Variants in CCSER1 observed in about 807,000 individuals in gnomAD.
CCSER1 encodes the protein coiled-coil serine rich protein 1.
In CCSER1, 41 loss-of-function variants were observed where a neutral mutation model predicts 82.0. That is an observed-to-expected ratio of 0.50 (90% confidence interval 0.39 to 0.65). The LOEUF (loss-of-function observed/expected upper bound fraction) is 0.65. Ranked by LOEUF, CCSER1 falls within the 30% of genes least tolerant of loss-of-function variation. The pLI, the probability that CCSER1 is intolerant of heterozygous loss-of-function variation, is 0.00. For missense variants in CCSER1, 1,119 were observed against 1,064.2 expected, an observed-to-expected ratio of 1.05 and a Z score of -0.72; for synonymous variants, 414 against 383.9, an observed-to-expected ratio of 1.08 and a Z score of -0.92.
At chr4:90,657,769 T>C (rs928585570) in intron 6 of CCSER1, among the ~76,000 whole-genome samples, 1 of 152,230 alleles carries the variant, frequency 6.6e-6, no homozygotes, top group African/African-American at 2.4e-5. Context: ...ATGTAATTTC[T>C]TGAACACATT....
intron 10 of CCSER1, among the ~76,000 whole-genome samples, chr4:91,453,581 G>A (rs79360157): frequency 9.1e-4 from 138 of 152,118 alleles, no homozygotes; most frequent in African/African-American, 3.2e-3. Flanking sequence ...TTTGGAGCAT[G>A]TAAAATCAAT....
chr4:91,297,775 A>G (rs1744328033), intron 10 of CCSER1, among the ~76,000 whole-genome samples: 2 of 152,026 alleles, frequency 1.3e-5, no homozygotes, highest in Non-Finnish European at 2.9e-5. Flanking sequence ...CAACAAATGA[A>G]AAAAGGAAAA....
At chr4:90,276,612 C>G (rs1727868552) in intron 1 of CCSER1, among the ~76,000 whole-genome samples, 1 of 152,026 alleles carries the variant, frequency 6.6e-6, no homozygotes, top group Non-Finnish European at 1.5e-5. Flanking sequence ...ACCCAAAGTG[C>G]TGGGATTATA....
chr4:90,313,907 T>C (rs953406614), intron 3 of CCSER1, among the ~76,000 whole-genome samples: 1 of 152,210 alleles, frequency 6.6e-6, no homozygotes, highest in African/African-American at 2.4e-5. Flanking sequence ...ATAATCTTTC[T>C]ACCTACCTAT....
At chr4:90,419,036 G>C (rs939011313) in intron 4 of CCSER1, among the ~76,000 whole-genome samples, 4 of 151,938 alleles carry the variant, frequency 2.6e-5, no homozygotes, top group Non-Finnish European at 5.9e-5. Flanking sequence ...AGCTATTCTT[G>C]GGTTTCAATT....
At chr4:91,566,053 A>C (rs1762872808) in intron 10 of CCSER1, among the ~76,000 whole-genome samples, 1 of 151,908 alleles carries the variant, frequency 6.6e-6, no homozygotes, top group African/African-American at 2.4e-5. Flanking sequence ...TATTATTTTG[A>C]GTTATGTTCC....
At chr4:91,348,686 T>C (rs984229347) in intron 10 of CCSER1, among the ~76,000 whole-genome samples, 1 of 152,214 alleles carries the variant, frequency 6.6e-6, no homozygotes, top group African/African-American at 2.4e-5. Flanking sequence ...AGATTGTGTG[T>C]CTTTCAAGGA....
intron 10 of CCSER1, among the ~76,000 whole-genome samples, chr4:91,122,518 C>T (rs1307728860): frequency 1.3e-5 from 2 of 151,562 alleles, no homozygotes; most frequent in African/African-American, 2.4e-5. Flanking sequence ...ACATGATTCT[C>T]CCGCAAAATC....
At chr4:91,113,790 G>A (rs1051900256) in intron 10 of CCSER1, among the ~76,000 whole-genome samples, 1 of 151,864 alleles carries the variant, frequency 6.6e-6, no homozygotes, top group Admixed American at 6.6e-5. Flanking sequence ...TTGAAAAGGA[G>A]CAGATAGATT....
At chr4:91,032,304 CT>C (rs1741051252) in intron 9 of CCSER1, among the ~76,000 whole-genome samples, 1 of 152,052 alleles carries the variant, frequency 6.6e-6, no homozygotes, top group Non-Finnish European at 1.5e-5. Context: ...TCTAACCCAT[CT>C]ACATTTTATC....
intron 10 of CCSER1, among the ~76,000 whole-genome samples, chr4:91,262,586 A>G (rs887734982): frequency 1.3e-5 from 2 of 152,076 alleles, no homozygotes; most frequent in Admixed American, 1.3e-4. Flanking sequence ...ACTTTCCTCA[A>G]TATAGGTTTA....
intron 4 of CCSER1, among the ~76,000 whole-genome samples, chr4:90,440,012 T>G (rs74939911): frequency 6.6e-6 from 1 of 152,144 alleles, no homozygotes; most frequent in South Asian, 2.1e-4. Flanking sequence ...ATTTTATTTT[T>G]TTTTTTAGAC....
intron 3 of CCSER1, among the ~76,000 whole-genome samples, chr4:90,339,456 T>C (rs1740991577): frequency 6.6e-6 from 1 of 151,900 alleles, no homozygotes; most frequent in Non-Finnish European, 1.5e-5. Context: ...CCCAATGGCT[T>C]CCCACTATGG....
chr4:90,594,880 T>A (rs1783135904), intron 5 of CCSER1, among the ~76,000 whole-genome samples: 1 of 152,062 alleles, frequency 6.6e-6, no homozygotes, highest in Non-Finnish European at 1.5e-5. Context: ...TATTAGATGC[T>A]TGGAAAGCAA....
intron 10 of CCSER1, among the ~76,000 whole-genome samples, chr4:91,433,066 A>G (rs1754422852): frequency 6.6e-6 from 1 of 152,176 alleles, no homozygotes; most frequent in Admixed American, 6.5e-5. Flanking sequence ...TGATATAATA[A>G]TATATAAGCC....
At chr4:90,750,439 G>C (rs1037239384) in intron 7 of CCSER1, among the ~76,000 whole-genome samples, 8 of 152,126 alleles carry the variant, frequency 5.3e-5, no homozygotes, top group Admixed American at 2.0e-4. Flanking sequence ...TAGGTGCACA[G>C]CTTTTCTAAG....
intron 1 of CCSER1, among the ~76,000 whole-genome samples, chr4:90,133,661 G>C (rs990902411): frequency 2.6e-5 from 4 of 151,976 alleles, no homozygotes; most frequent in Non-Finnish European, 5.9e-5. Context: ...CCGAACCCTT[G>C]CTTCTCTATT....
At chr4:91,551,962 G>A (rs889102714) in intron 10 of CCSER1, among the ~76,000 whole-genome samples, 21 of 151,818 alleles carry the variant, frequency 1.4e-4, no homozygotes, top group Admixed American at 1.1e-3. Flanking sequence ...GAAAAATGCT[G>A]TGGCAGTTTG....
At position 90,968,082 on chromosome 4, in the gene CCSER1, A is replaced by G. The variant is rs370001849; in HGVS notation, c.2172+44635A>G. On this transcript the variant is annotated intron_variant, in intron 9 of 10. Transcript: ENST00000509176. ...CTGTCTAAGAGGCATGCCCCTTCCA[A>G]ACCTCACAGATAACATGAGAACAGT... Among the ~76,000 whole-genome samples the G allele has an allele frequency of 3.3e-4, 50 of 152,120 alleles. 2 individuals carry two copies. The South Asian group carries it at 7.7e-3, about 23-fold the overall frequency.
Sources: allele counts gnomAD v4.1 joint callset (sites outside exome capture counted in the v4.1 genomes callset), GRCh38; gene constraint gnomAD v4.1.1; transcripts MANE v1.5; gene names NCBI Gene and HGNC (gene_info 2026-07-23, HGNC 2026-07-21).